The following SAMD12 variants were observed in gnomAD, a reference collection of about 807,000 sequenced individuals.
SAMD12 encodes the protein sterile alpha motif domain-containing protein 12.
SAMD12 carries 9 observed loss-of-function variants against 15.0 expected under a neutral mutation model. The ratio of observed to expected loss-of-function variants is 0.60; its 90% CI spans 0.36 to 1.05. SAMD12 has a LOEUF of 1.05. SAMD12 is among the 50% of genes least tolerant of loss of function. The pLI, the probability that SAMD12 is intolerant of heterozygous loss-of-function variation, is 0.01. For synonymous variants in SAMD12, 86 were observed against 90.1 expected (o/e 0.96, Z 0.25); for missense variants, 230 against 234.2 (o/e 0.98, Z 0.12).
the SAMD12 span, among the ~76,000 whole-genome samples, chr8:118,133,378 AGG>A: frequency 6.6e-6 from 1 of 151,882 alleles, no homozygotes; most frequent in African/African-American, 2.4e-5. Context: ...ATACATGTGC[AGG>A]ATGTGCAGGT....
chr8:118,137,967 CT>C, the SAMD12 span, among the ~76,000 whole-genome samples: 1 of 150,496 alleles, frequency 6.6e-6, no homozygotes, highest in Non-Finnish European at 1.5e-5. Context: ...TTTTCCTTAA[CT>C]TTTTTTTCTT....
intron 2 of SAMD12, among the ~76,000 whole-genome samples, chr8:118,549,959 G>A (rs532251299): frequency 3.9e-5 from 6 of 151,910 alleles, no homozygotes; most frequent in Non-Finnish European, 7.4e-5. Context: ...GAAATGAAGC[G>A]AGAAGGGAAG....
At chr8:118,498,174 T>G (rs1302830517) in intron 2 of SAMD12, among the ~76,000 whole-genome samples, 1 of 152,168 alleles carries the variant, frequency 6.6e-6, no homozygotes, top group Non-Finnish European at 1.5e-5. Context: ...AAATTTACCT[T>G]CACTTTTAAA....
rs117646636 is a variant in SAMD12 at position 118,468,203 on chromosome 8, A to C, written c.193-28242T>G. 2.4e-3 allele frequency among the ~76,000 whole-genome samples: 367 copies of C among 152,326 alleles called. 2 individuals are homozygous for C. The highest frequency in any genetic ancestry group is 3.1e-3 in the Non-Finnish European group (213 of 68,026). ...ACTCCTAACAATATGAACAACATAA[A>C]TGGTGGAAAAACAGCTGTGGCAAGC... On this transcript the variant is annotated intron_variant, in intron 2 of 3. Coordinates refer to ENST00000314727, the MANE Select transcript of SAMD12 (RefSeq NM_207506.3).
At position 118,477,361 on chromosome 8, in the gene SAMD12, C is replaced by T. The variant is rs888031862; in HGVS notation, c.193-37400G>A. 3.9e-5 allele frequency among the ~76,000 whole-genome samples: 6 copies of T among 152,092 alleles called. No homozygotes were observed. In the East Asian group the frequency reaches 7.7e-4, roughly 20 times the overall value. On this transcript the variant is annotated intron_variant, in intron 2 of 3. Coordinates refer to ENST00000314727, the MANE Select transcript of SAMD12 (RefSeq NM_207506.3). ...GATTACAGGCAAGAGCCATTGCGCT[C>T]GACCTCTGCGGCCGGTTTGATGTTC...
chr8:118,292,096 T>G lies in SAMD12; in HGVS notation c.433+87464A>C, dbSNP rs568319731. ...AATCAGGGGATCTTGGTAAGCCTAC[T>G]AAAATGCATTCTGTGATACAATGGA... On this transcript the variant is annotated intron_variant, in intron 4 of 4. Coordinates refer to the SAMD12 transcript ENST00000409003. 2.0e-4 allele frequency among the ~76,000 whole-genome samples: 30 copies of G among 151,534 alleles called. 2 individuals carry two copies. The South Asian group carries it at 6.3e-3, about 32-fold the overall frequency.
rs1471704703 is a variant in SAMD12 at position 118,321,300 on chromosome 8, T to G, written c.433+58260A>C. On this transcript the variant is annotated intron_variant, in intron 4 of 4. Transcript: ENST00000409003. ...AAAAGAGGTGTTTTTTTTTTGTTTT[T>G]TTTTTTTTTGGTTTTTTTTTAAAGA... 3.2e-3 allele frequency among the ~76,000 whole-genome samples: 217 copies of G among 68,120 alleles called. 1 individual carries two copies. Among genetic ancestry groups the G allele is most frequent in the Middle Eastern group, 0.02 (3 of 148 alleles). 44.7% of individuals were successfully genotyped at this position (68,120 alleles called of 152,430 possible).
At chr8:118,364,608 A>G (rs1210379274) in intron 4 of SAMD12, among the ~76,000 whole-genome samples, 1 of 152,130 alleles carries the variant, frequency 6.6e-6, no homozygotes, top group Admixed American at 6.5e-5. Flanking sequence ...ACATGCACAG[A>G]AGTCAACTGC....
the SAMD12 span, among the ~76,000 whole-genome samples, chr8:118,158,845 G>A: frequency 6.6e-6 from 1 of 152,048 alleles, no homozygotes; most frequent in Non-Finnish European, 1.5e-5. Flanking sequence ...CCTCCCAGTT[G>A]AGAGCTGAAC....
At chr8:118,320,944 C>G (rs1816217576) in intron 4 of SAMD12, among the ~76,000 whole-genome samples, 1 of 148,556 alleles carries the variant, frequency 6.7e-6, no homozygotes, top group African/African-American at 2.5e-5. Context: ...AATGATATCT[C>G]TAGGTATCTT....
At chr8:118,595,063 A>C (rs1003158412) in intron 1 of SAMD12, among the ~76,000 whole-genome samples, 3 of 152,198 alleles carry the variant, frequency 2.0e-5, no homozygotes, top group African/African-American at 7.2e-5. Context: ...GAGAAGATAC[A>C]TAATGACTGC....
chr8:118,387,103 G>A (rs1213022113), intron 3 of SAMD12, among the ~76,000 whole-genome samples: 1 of 152,224 alleles, frequency 6.6e-6, no homozygotes, highest in African/African-American at 2.4e-5. Context: ...GGCTGGTCCA[G>A]AGCAGCAGGC....
exon 5 of SAMD12, chr8:118,196,398 G>T (rs773226229): frequency 2.6e-5 from 4 of 152,118 alleles, no homozygotes; most frequent in Non-Finnish European, 5.9e-5. Flanking sequence ...ACATGCTACA[G>T]TGTTATGTAG....
intron 3 of SAMD12, among the ~76,000 whole-genome samples, chr8:118,383,631 A>C (rs1375737538): frequency 6.6e-6 from 1 of 152,110 alleles, no homozygotes; most frequent in Non-Finnish European, 1.5e-5. Context: ...AAATCAACTC[A>C]ATCTCAAACA....
chr8:118,432,732 T>C (rs1214665034), intron 3 of SAMD12, among the ~76,000 whole-genome samples: 1 of 152,136 alleles, frequency 6.6e-6, no homozygotes, highest in Non-Finnish European at 1.5e-5. Context: ...TTCAGGTGAA[T>C]GGGTGGGTGT....
chr8:118,289,064 T>C (rs1466366720), intron 4 of SAMD12, among the ~76,000 whole-genome samples: 1 of 152,240 alleles, frequency 6.6e-6, no homozygotes, highest in East Asian at 1.9e-4. Flanking sequence ...TTTGTTTCAT[T>C]ACATTTCCAA....
At chr8:118,452,266 A>C (rs1212269708) in intron 2 of SAMD12, among the ~76,000 whole-genome samples, 20 of 152,210 alleles carry the variant, frequency 1.3e-4, no homozygotes. Context: ...AGAAGTGATT[A>C]ACACAGGAGC....
At chr8:118,618,913 G>T (rs1828318271) in intron 1 of SAMD12, among the ~76,000 whole-genome samples, 1 of 151,676 alleles carries the variant, frequency 6.6e-6, no homozygotes, top group Admixed American at 6.6e-5. Context: ...CAGATGTGGA[G>T]ACTAAAGCTT....
intron 4 of SAMD12, among the ~76,000 whole-genome samples, chr8:118,212,839 C>T (rs571227408): frequency 2.8e-4 from 42 of 152,244 alleles, no homozygotes; most frequent in African/African-American, 9.6e-4. Context: ...ACAGTGATTA[C>T]AAGACTTCCT....
Sources: gnomAD v4.1 joint callset for allele counts (sites outside exome capture counted in the v4.1 genomes callset) on GRCh38, gnomAD v4.1.1 for gene constraint, MANE v1.5 for transcripts, NCBI Gene and HGNC (gene_info 2026-07-23, HGNC 2026-07-21) for gene names.